FOXP2: variants seen among roughly 807,000 people sequenced by gnomAD.
FOXP2 encodes the protein forkhead box P2.
In FOXP2, 12 loss-of-function variants were observed where a neutral mutation model predicts 115.8. The ratio of observed to expected loss-of-function variants is 0.10; its 90% confidence interval spans 0.07 to 0.17. The LOEUF (loss-of-function observed/expected upper bound fraction) is 0.17, where lower values mean the gene tolerates loss of function less well. Ranked by LOEUF, FOXP2 falls within the 10% of genes least tolerant of loss-of-function variation. The pLI, the probability that FOXP2 is intolerant of heterozygous loss-of-function variation, is 1.00. For missense variants in FOXP2, 629 were observed against 843.5 expected, an observed-to-expected ratio of 0.75 and a Z score of 3.15; for synonymous variants, 328 against 297.7, an observed-to-expected ratio of 1.10 and a Z score of -1.05.
In FOXP2 at chr7:114,415,364, C is replaced by T. The variant is rs763482268; in HGVS notation, c.-11+4C>T. 3 of 445,034 alleles carry T rather than the reference C, an allele frequency of 6.7e-6. No individual in the cohort carries two copies. Among genetic ancestry groups the T allele is most frequent in the African/African-American group, 2.0e-5 (1 of 49,036 alleles). 27.6% of individuals were successfully genotyped at this position (445,034 alleles called of 1,614,324 possible). The stretch of plus-strand genomic sequence containing the variant: ...TGCTCTAACATTTCCAGAGAAGGTA[C>T]GTTACTTTTTGCTAAGAGAATATCT... On this transcript the variant is annotated splice_donor_region_variant and intron_variant, in intron 1 of 16. Coordinates refer to ENST00000350908, the MANE Select transcript of FOXP2 (RefSeq NM_014491.4).
chr7:114,645,842 T>A (rs1805852325), intron 8 of FOXP2: 1 of 152,106 alleles, frequency 6.6e-6, no homozygotes, highest in Admixed American at 6.6e-5. Flanking sequence ...ACAGTAAGAC[T>A]TCCACAAAGA....
chr7:114,210,464 G>A (rs1156722241), intron 1 of FOXP2, among the ~76,000 whole-genome samples: 1 of 152,064 alleles, frequency 6.6e-6, no homozygotes. Flanking sequence ...CCTTTACCTG[G>A]AGGTATTACC....
intron 1 of FOXP2, among the ~76,000 whole-genome samples, chr7:114,171,126 AT>A (rs777077165): frequency 3.3e-5 from 5 of 152,228 alleles, no homozygotes; most frequent in Non-Finnish European, 7.3e-5. Flanking sequence ...TAATAATTAA[AT>A]GCTAAATCTA....
chr7:114,603,494 G>A (rs1014537197), intron 3 of FOXP2, among the ~76,000 whole-genome samples: 2 of 152,208 alleles, frequency 1.3e-5, no homozygotes, highest in African/African-American at 4.8e-5. Flanking sequence ...TGGTAGCAGA[G>A]TTTTGAACTA....
chr7:114,170,700 G>A (rs1479082694), intron 1 of FOXP2, among the ~76,000 whole-genome samples: 1 of 152,178 alleles, frequency 6.6e-6, no homozygotes, highest in Non-Finnish European at 1.5e-5. Context: ...GCCTAATAAA[G>A]AGCATGGCCC....
intron 2 of FOXP2, among the ~76,000 whole-genome samples, chr7:114,442,347 G>T (rs1289501898): frequency 1.5e-5 from 2 of 133,652 alleles, no homozygotes; most frequent in Admixed American, 1.5e-4. Context: ...GGGCAAGAGG[G>T]ATTTTTTTTT....
intron 1 of FOXP2, among the ~76,000 whole-genome samples, chr7:114,198,753 A>G (rs1793979465): frequency 6.6e-6 from 1 of 152,148 alleles, no homozygotes; most frequent in Non-Finnish European, 1.5e-5. Context: ...CTGAATTAGT[A>G]AGGATTCTTC....
intron 2 of FOXP2, among the ~76,000 whole-genome samples, chr7:114,409,233 T>G (rs1793108544): frequency 6.6e-6 from 1 of 152,154 alleles, no homozygotes; most frequent in Non-Finnish European, 1.5e-5. Flanking sequence ...ATTTCTCATT[T>G]GAAATCTGTA....
chr7:114,249,971 C>T (rs1284285149), intron 1 of FOXP2, among the ~76,000 whole-genome samples: 1 of 137,632 alleles, frequency 7.3e-6, no homozygotes, highest in Non-Finnish European at 1.6e-5. Flanking sequence ...ACAACAGGCC[C>T]CGGTGTGTGA....
At chr7:114,378,646 TGCACTCCA>T (rs1792199642) in intron 2 of FOXP2, among the ~76,000 whole-genome samples, 1 of 122,582 alleles carries the variant, frequency 8.2e-6, no homozygotes, top group African/African-American at 3.2e-5. Flanking sequence ...CTCGAACCAC[TGCACTCCA>T]GCCTGTGAGA....
chr7:114,422,666 G>A (rs1181042072), intron 1 of FOXP2, among the ~76,000 whole-genome samples: 1 of 151,670 alleles, frequency 6.6e-6, no homozygotes, highest in Non-Finnish European at 1.5e-5. Flanking sequence ...AAGCAACAAG[G>A]ACCAGTAGTG....
intron 2 of FOXP2, among the ~76,000 whole-genome samples, chr7:114,401,678 T>G (rs763061840): frequency 1.3e-5 from 2 of 152,230 alleles, no homozygotes; most frequent in African/African-American, 4.8e-5. Context: ...TATACTGTGC[T>G]GATCTCTCAC....
chr7:114,252,105 A>C (rs867088772), intron 1 of FOXP2, among the ~76,000 whole-genome samples: 2 of 152,082 alleles, frequency 1.3e-5, no homozygotes, highest in Admixed American at 1.3e-4. Context: ...ATTGATTTGC[A>C]TATGTTGAAC....
At chr7:114,440,642 A>G (rs1794558047) in intron 2 of FOXP2, among the ~76,000 whole-genome samples, 1 of 152,206 alleles carries the variant, frequency 6.6e-6, no homozygotes, top group Non-Finnish European at 1.5e-5. Context: ...TATTTATTTA[A>G]ATTTGATTTT....
At chr7:114,585,214 A>C (rs1391515944) in intron 3 of FOXP2, among the ~76,000 whole-genome samples, 3 of 152,152 alleles carry the variant, frequency 2.0e-5, no homozygotes, top group Non-Finnish European at 2.9e-5. Flanking sequence ...TAAGTTTACT[A>C]GTCTTTATGT....
chr7:114,161,783 T>C (rs910040699), upstream of FOXP2, among the ~76,000 whole-genome samples: 3 of 152,082 alleles, frequency 2.0e-5, no homozygotes, highest in Non-Finnish European at 4.4e-5. Context: ...TGAAGACATT[T>C]ATCTTTTTTT....
intron 2 of FOXP2, among the ~76,000 whole-genome samples, chr7:114,519,552 T>C (rs1283200279): frequency 1.3e-5 from 2 of 152,124 alleles, no homozygotes; most frequent in Non-Finnish European, 2.9e-5. Flanking sequence ...AACATAAAGA[T>C]GATCAGAGTA....
At chr7:114,139,455 G>C (rs1792143748) in intron 1 of FOXP2, among the ~76,000 whole-genome samples, 1 of 152,040 alleles carries the variant, frequency 6.6e-6, no homozygotes, top group Non-Finnish European at 1.5e-5. Flanking sequence ...AGGTTGGAAA[G>C]TTTATTTCCT....
At chr7:114,322,014 G>A (rs1414734674) in intron 2 of FOXP2, among the ~76,000 whole-genome samples, 1 of 121,222 alleles carries the variant, frequency 8.2e-6, no homozygotes, top group African/African-American at 3.0e-5. Flanking sequence ...GAGAATTTCA[G>A]AGGATTCCTT....
Sources: allele counts gnomAD v4.1 joint callset (sites outside exome capture counted in the v4.1 genomes callset), GRCh38; gene constraint gnomAD v4.1.1; transcripts MANE v1.5; gene names NCBI Gene and HGNC (gene_info 2026-07-23, HGNC 2026-07-21).